The following PPP2CB variants were observed in gnomAD, a reference collection of about 807,000 sequenced individuals.
The protein encoded by PPP2CB is serine/threonine-protein phosphatase 2A catalytic subunit beta isoform.
In PPP2CB, 18 loss-of-function variants were observed where a neutral mutation model predicts 39.1. The ratio of observed to expected loss-of-function variants is 0.46; its 90% confidence interval spans 0.32 to 0.68. The LOEUF (loss-of-function observed/expected upper bound fraction) is 0.68. Ranked by LOEUF, PPP2CB falls within the 30% of genes least tolerant of loss-of-function variation. The pLI, the probability that PPP2CB is intolerant of heterozygous loss-of-function variation, is 0.04. For missense variants in PPP2CB, 226 were observed against 396.9 expected (o/e 0.57, Z 3.66); for synonymous variants, 129 against 133.8 (o/e 0.96, Z 0.25).
intron 6 of PPP2CB, 62 bp downstream of exon 6, chr8:30,791,135 A>G (rs1284140929): frequency 8.6e-7 from 1 of 1,158,612 alleles, no homozygotes; most frequent in Non-Finnish European, 1.2e-6. Context: ...GAAATCTTCT[A>G]TTTTTAACAT....
chr8:30,792,705 C>G (rs949686376), intron 5 of PPP2CB, among the ~76,000 whole-genome samples: 10 of 151,928 alleles, frequency 6.6e-5, no homozygotes, highest in Non-Finnish European at 1.3e-4. Context: ...ATCCTCCCAC[C>G]TCGGCCTCCC....
intron 1 of PPP2CB, chr8:30,810,351 T>A (rs1806804743): frequency 6.6e-6 from 1 of 152,302 alleles, no homozygotes; most frequent in South Asian, 2.1e-4. Context: ...CTCGGGAGGC[T>A]GAGGCAGGAG....
At chr8:30,812,039 A>C (rs1414699667) in intron 1 of PPP2CB, among the ~76,000 whole-genome samples, 2 of 151,944 alleles carry the variant, frequency 1.3e-5, no homozygotes, top group African/African-American at 4.8e-5. Flanking sequence ...TCAGGGGGCT[A>C]CGTTTCCCCG....
chr8:30,812,488 CCCCCGG>C lies in PPP2CB; in HGVS notation c.-73_-68del, dbSNP rs1372854184. ...CGCCGCCCTCCCCCCTCCCCACCCG[CCCCCGG>C]CCCCGGCCCGGGCGCCGCTCCCCTC... On this transcript the variant is annotated 5_prime_UTR_variant, in exon 1 of 7. Coordinates refer to ENST00000221138, the MANE Select transcript of PPP2CB (RefSeq NM_001009552.2). The C allele has an allele frequency of 1.1e-5, 13 of 1,211,642 alleles. No homozygotes were observed. Among genetic ancestry groups the C allele is most frequent in the Non-Finnish European group, 1.4e-5 (13 of 907,518 alleles). 75.1% of individuals were successfully genotyped at this position (1,211,642 alleles called of 1,614,324 possible). A position where few individuals can be genotyped will look rare whatever the true frequency, so the allele number is the denominator to read the frequency against.
At chr8:30,790,717 T>TA (rs1806415344) in intron 6 of PPP2CB, among the ~76,000 whole-genome samples, 1 of 152,238 alleles carries the variant, frequency 6.6e-6, no homozygotes, top group South Asian at 2.1e-4. Context: ...TGACTGTGTC[T>TA]ACCAGGAGTA....
In PPP2CB at chr8:30,812,565, G is replaced by A. The variant is rs1400345699; in HGVS notation, c.-144C>T. The A allele has an allele frequency of 1.2e-5, 5 of 433,916 alleles. No individual in the cohort carries two copies. Among genetic ancestry groups the A allele is most frequent in the South Asian group, 8.1e-5 (1 of 12,364 alleles). The allele number at this position is 433,916 out of a possible 1,614,324, so 26.9% of individuals were successfully genotyped here. On this transcript the variant is annotated 5_prime_UTR_variant, in exon 1 of 7. Transcript: ENST00000221138. ...GGTCCCACAGGGGGAGGACTGAGCCGGGTAGGGCGGCCGCGGGCCCCGCGC... is the reference window on the plus strand; with the variant it reads ...GGTCCCACAGGGGGAGGACTGAGCCAGGTAGGGCGGCCGCGGGCCCCGCGC...
At chr8:30,796,436 C>T (rs571877813) in intron 3 of PPP2CB, among the ~76,000 whole-genome samples, 5 of 152,080 alleles carry the variant, frequency 3.3e-5, no homozygotes, top group South Asian at 4.1e-4. Context: ...GCTGGAGTGC[C>T]GTGATACGAT....
intron 1 of PPP2CB, among the ~76,000 whole-genome samples, chr8:30,801,792 TAC>T (rs1806632696): frequency 6.6e-6 from 1 of 152,192 alleles, no homozygotes; most frequent in African/African-American, 2.4e-5. Context: ...CAATAGTTTG[TAC>T]ACACACTGTA....
intron 2 of PPP2CB, among the ~76,000 whole-genome samples, chr8:30,798,036 CT>C (rs1276891946): frequency 6.6e-6 from 1 of 152,160 alleles, no homozygotes. Context: ...GTATCTGATA[CT>C]TTGCTTCTAT....
intron 6 of PPP2CB, among the ~76,000 whole-genome samples, chr8:30,788,543 T>C (rs535538045): frequency 2.6e-5 from 4 of 152,224 alleles, no homozygotes; most frequent in Non-Finnish European, 5.9e-5. Flanking sequence ...AGCCACAGCA[T>C]CCAGCCATGT....
Sources: gnomAD v4.1 joint callset for allele counts (sites outside exome capture counted in the v4.1 genomes callset) on GRCh38, gnomAD v4.1.1 for gene constraint, MANE v1.5 for transcripts, NCBI Gene and HGNC (gene_info 2026-07-23, HGNC 2026-07-21) for gene names.